The following FGF14 variants were observed in gnomAD, a reference collection of about 807,000 sequenced individuals.
The protein encoded by FGF14 is fibroblast growth factor 14, also known as fibroblast growth factor homologous factor 4.
Under a neutral mutation model 25.5 loss-of-function variants are expected in FGF14, and 5 were observed. The ratio of observed to expected loss-of-function variants is 0.20; its 90% CI spans 0.10 to 0.41. FGF14 has a LOEUF of 0.41. FGF14 is among the 10% of genes least tolerant of loss of function. FGF14 has a pLI of 1.00. For synonymous variants in FGF14, 138 were observed against 118.3 expected (o/e 1.17, Z -1.08); for missense variants, 222 against 320.1 (o/e 0.69, Z 2.34).
At chr13:102,158,991 T>G (rs921139648) in intron 1 of FGF14, among the ~76,000 whole-genome samples, 5 of 151,590 alleles carry the variant, frequency 3.3e-5, no homozygotes, top group Admixed American at 2.6e-4. Context: ...ATACAAAAAT[T>G]AGCCTGGTTA....
intron 3 of FGF14, among the ~76,000 whole-genome samples, chr13:101,835,630 A>G (rs1594423299): frequency 6.6e-6 from 1 of 152,134 alleles, no homozygotes; most frequent in East Asian, 1.9e-4. Context: ...CCCCCTAAAC[A>G]GGACATGTGG....
intron 3 of FGF14, among the ~76,000 whole-genome samples, chr13:101,787,320 T>C (rs997092320): frequency 1.5e-4 from 23 of 152,250 alleles, no homozygotes. Context: ...ATTGAATAGC[T>C]GTCACTGTCC....
chr13:102,339,012 A>T (rs1465699642), intron 1 of FGF14, among the ~76,000 whole-genome samples: 1 of 36,612 alleles, frequency 2.7e-5, no homozygotes, highest in Non-Finnish European at 4.6e-5. Context: ...TCTGTCTCAA[A>T]AAAAAAAAAA....
chr13:101,719,625 C>T lies in FGF14; in HGVS notation c.*3206G>A, dbSNP rs958544866. On this transcript the variant is annotated 3_prime_UTR_variant, in exon 5 of 5. Transcript: ENST00000376143. ...GAAATACCAAAACAACATTTCTGAG[C>T]GTTGTTGAGGGACTGGCAAAGCAAT... 6.6e-6 allele frequency: 1 copy of T among 151,966 alleles called. No individual in the cohort carries two copies. Among genetic ancestry groups the T allele is most frequent in the East Asian group, 1.9e-4 (1 of 5,174 alleles). 9.4% of individuals were successfully genotyped at this position (151,966 alleles called of 1,614,324 possible).
At chr13:102,048,090 G>T (rs1214799243) in intron 1 of FGF14, among the ~76,000 whole-genome samples, 1 of 151,580 alleles carries the variant, frequency 6.6e-6, no homozygotes, top group East Asian at 1.9e-4. Context: ...GAGATTAAAA[G>T]AGTTTCTATT....
At chr13:101,750,018 T>A (rs2037164490) in intron 3 of FGF14, among the ~76,000 whole-genome samples, 3 of 152,114 alleles carry the variant, frequency 2.0e-5, no homozygotes, top group African/African-American at 7.2e-5. Context: ...ACTGGAGTTC[T>A]CCCCTTTCAA....
chr13:102,123,296 C>A (rs2045813343), intron 1 of FGF14, among the ~76,000 whole-genome samples: 1 of 151,990 alleles, frequency 6.6e-6, no homozygotes, highest in African/African-American at 2.4e-5. Flanking sequence ...CTTTTAAGCA[C>A]TTTGCTAAGT....
rs965150950 is a variant in FGF14, at chr13:101,865,725, C to G, written c.408+3000G>C. Reference sequence around the variant, plus strand: ...AATAAAAATAGAGGAAGATACACCTCAAGTCAAATCACCGTTGTGATATTC... The same window carrying G: ...AATAAAAATAGAGGAAGATACACCTGAAGTCAAATCACCGTTGTGATATTC... On this transcript the variant is annotated intron_variant, in intron 3 of 4. Transcript: ENST00000376143. 2.0e-5 allele frequency among the ~76,000 whole-genome samples: 3 copies of G among 152,034 alleles called. No homozygotes were observed. In the South Asian group the frequency reaches 6.2e-4, roughly 32 times the overall value.
chr13:102,225,406 C>T lies in FGF14; in HGVS notation c.208+176065G>A, dbSNP rs925838076. ...TCAGGGCTAGACCAGGCTAGCCCTCCGGACAGGCTAATTATTTCAAGCCCT... is the reference window on the plus strand; with the variant it reads ...TCAGGGCTAGACCAGGCTAGCCCTCTGGACAGGCTAATTATTTCAAGCCCT... On this transcript the variant is annotated intron_variant, in intron 1 of 4. Transcript: ENST00000376131. Among the ~76,000 whole-genome samples the T allele has an allele frequency of 3.9e-5, 6 of 152,238 alleles. No homozygotes were observed. The East Asian group carries it at 7.7e-4, about 20-fold the overall frequency.
intron 1 of FGF14, among the ~76,000 whole-genome samples, chr13:102,165,224 A>T (rs2047945685): frequency 6.6e-6 from 1 of 152,102 alleles, no homozygotes; most frequent in Non-Finnish European, 1.5e-5. Context: ...GTGGGACTGT[A>T]AACTAGTTCA....
At chr13:101,964,181 T>C (rs2037042078) in intron 1 of FGF14, among the ~76,000 whole-genome samples, 1 of 152,154 alleles carries the variant, frequency 6.6e-6, no homozygotes, top group Non-Finnish European at 1.5e-5. Flanking sequence ...TTCAATGTAT[T>C]AAATATATTA....
At chr13:102,244,919 T>C (rs1392211556) in intron 1 of FGF14, among the ~76,000 whole-genome samples, 2 of 152,054 alleles carry the variant, frequency 1.3e-5, no homozygotes, top group Admixed American at 6.6e-5. Flanking sequence ...TTCACAATAG[T>C]AGCCTTTCAA....
intron 1 of FGF14, among the ~76,000 whole-genome samples, chr13:102,213,234 A>T (rs1405255030): frequency 6.6e-6 from 1 of 152,232 alleles, no homozygotes; most frequent in Admixed American, 6.5e-5. Context: ...AATAAATATT[A>T]ACAGAGCTTT....
chr13:102,156,739 C>T (rs2047360110), intron 1 of FGF14, among the ~76,000 whole-genome samples: 1 of 152,132 alleles, frequency 6.6e-6, no homozygotes, highest in South Asian at 2.1e-4. Flanking sequence ...TTGCAGACGA[C>T]ATGATTGTAT....
intron 1 of FGF14, among the ~76,000 whole-genome samples, chr13:102,337,461 G>GT (rs1462349343): frequency 1.3e-5 from 2 of 152,216 alleles, no homozygotes; most frequent in East Asian, 3.9e-4. Flanking sequence ...CAAAGAAAGT[G>GT]TTTTTTTGAG....
At chr13:102,193,231 C>G (rs1177680514) in intron 1 of FGF14, among the ~76,000 whole-genome samples, 2 of 152,114 alleles carry the variant, frequency 1.3e-5, no homozygotes, top group Non-Finnish European at 2.9e-5. Flanking sequence ...CTGGTGGGAG[C>G]TCTCCTTCTC....
chr13:102,145,512 C>T (rs1262089450), intron 1 of FGF14, among the ~76,000 whole-genome samples: 3 of 152,128 alleles, frequency 2.0e-5, no homozygotes, highest in Non-Finnish European at 4.4e-5. Flanking sequence ...TATTTAAGAA[C>T]ATTTTAGCTG....
intron 1 of FGF14, among the ~76,000 whole-genome samples, chr13:102,012,910 G>A (rs2040154018): frequency 6.6e-6 from 1 of 152,168 alleles, no homozygotes; most frequent in Admixed American, 6.5e-5. Context: ...GATGCCAAGT[G>A]ATCACCAATG....
At chr13:102,381,985 CT>C (rs2058193708) in intron 1 of FGF14, among the ~76,000 whole-genome samples, 1 of 152,134 alleles carries the variant, frequency 6.6e-6, no homozygotes, top group Non-Finnish European at 1.5e-5. Context: ...ACAGCATCTA[CT>C]AAATTAAGTC....
Sources: allele counts gnomAD v4.1 joint callset (sites outside exome capture counted in the v4.1 genomes callset), GRCh38; gene constraint gnomAD v4.1.1; transcripts MANE v1.5; gene names NCBI Gene and HGNC (gene_info 2026-07-23, HGNC 2026-07-21).